Variants in ABHD18 observed in about 807,000 individuals in gnomAD.
The protein encoded by ABHD18 is abhydrolase domain containing 18.
In ABHD18, 55 loss-of-function variants were observed where a neutral mutation model predicts 65.9. That is an observed-to-expected ratio of 0.84 (90% CI 0.67 to 1.05). The LOEUF is 1.05. Among genes scored for constraint, ABHD18 ranks in the 50% least tolerant of loss-of-function variants. The pLI is 0.00. For missense variants in ABHD18, 533 were observed against 558.5 expected, an observed-to-expected ratio of 0.95 and a Z score of 0.46; for synonymous variants, 181 against 180.2, an observed-to-expected ratio of 1.00 and a Z score of -0.04.
intron 4 of ABHD18, among the ~76,000 whole-genome samples, chr4:128,006,809 G>A (rs193296718): frequency 5.9e-5 from 9 of 152,290 alleles, no homozygotes; most frequent in African/African-American, 1.7e-4. Context: ...AAACGGACAC[G>A]TGTGGTGACT....
intron 1 of ABHD18, among the ~76,000 whole-genome samples, chr4:127,975,038 T>G (rs1747650042): frequency 6.7e-6 from 1 of 149,728 alleles, no homozygotes; most frequent in South Asian, 2.1e-4. Flanking sequence ...TACTGCTTAC[T>G]GACAAAGTTG....
At chr4:127,973,965 C>T (rs1457903996) in intron 1 of ABHD18, among the ~76,000 whole-genome samples, 1 of 151,616 alleles carries the variant, frequency 6.6e-6, no homozygotes, top group Non-Finnish European at 1.5e-5. Context: ...GCCCAGCTGA[C>T]ACCTTGATTG....
intron 8 of ABHD18, among the ~76,000 whole-genome samples, chr4:128,018,613 T>G (rs1488296992): frequency 6.6e-6 from 1 of 152,118 alleles, no homozygotes; most frequent in Non-Finnish European, 1.5e-5. Context: ...CACTCCTGAT[T>G]AGGTGACCCA....
intron 10 of ABHD18, among the ~76,000 whole-genome samples, chr4:128,026,033 A>C (rs1417428584): frequency 6.6e-6 from 1 of 152,186 alleles, no homozygotes; most frequent in African/African-American, 2.4e-5. Context: ...TCACGCCTGT[A>C]ATCCCAGCAG....
chr4:127,993,313 C>A (rs924631184), intron 4 of ABHD18, among the ~76,000 whole-genome samples: 1 of 152,168 alleles, frequency 6.6e-6, no homozygotes, highest in Non-Finnish European at 1.5e-5. Context: ...TCCTCAACAT[C>A]TGTTGGAAAT....
chr4:127,982,705 T>C (rs544588388), intron 1 of ABHD18, among the ~76,000 whole-genome samples: 85 of 152,330 alleles, frequency 5.6e-4, no homozygotes, highest in Admixed American at 1.1e-3. Flanking sequence ...GTACTGAGGA[T>C]GGGAAGATCC....
intron 4 of ABHD18, among the ~76,000 whole-genome samples, chr4:128,005,841 C>T (rs1323188572): frequency 2.0e-5 from 3 of 152,166 alleles, no homozygotes; most frequent in African/African-American, 7.2e-5. Context: ...ATCTTCTTCC[C>T]TGTTGCACAG....
chr4:127,968,191 CAG>C (rs1294538198), intron 1 of ABHD18, among the ~76,000 whole-genome samples: 4 of 152,222 alleles, frequency 2.6e-5, no homozygotes, highest in East Asian at 1.9e-4. Context: ...GCCTGGGCGA[CAG>C]AGCGAGACTC....
rs780349825 is a variant in ABHD18, at chr4:128,028,460, C to CT, written c.802-12dup. 1.1e-5 allele frequency: 16 copies of CT among 1,439,078 alleles called. No individual in the cohort carries two copies. The South Asian group carries it at 2.5e-4, about 22-fold the overall frequency. 89.1% of individuals were successfully genotyped at this position (1,439,078 alleles called of 1,614,324 possible). ...TTTATATTAAATAATGTTTTCTTTCCTTTCATATGTTCAGACAGATTCTTT... is the reference window on the plus strand; with the variant it reads ...TTTATATTAAATAATGTTTTCTTTCCTTTTCATATGTTCAGACAGATTCTTT... On this transcript the variant is annotated splice_polypyrimidine_tract_variant and intron_variant, in intron 10 of 12. Coordinates refer to ENST00000645843, the MANE Select transcript of ABHD18 (RefSeq NM_001358451.3).
chr4:128,021,462 G>C (rs1411550936), intron 10 of ABHD18, among the ~76,000 whole-genome samples: 1 of 152,052 alleles, frequency 6.6e-6, no homozygotes, highest in Non-Finnish European at 1.5e-5. Flanking sequence ...TCAGGAGTTT[G>C]AGACTAGCCT....
At chr4:128,008,807 C>T (rs1037698353) in intron 4 of ABHD18, 113 bp from the exon 5 acceptor site, 40 of 674,890 alleles carry the variant, frequency 5.9e-5, no homozygotes, top group Admixed American at 1.4e-4. Flanking sequence ...GTTAAAATTT[C>T]GACTGATCTT....
At chr4:127,989,880 TATC>T (rs1241434682) in intron 4 of ABHD18, 59 bp downstream of exon 4, 6 of 1,038,814 alleles carry the variant, frequency 5.8e-6, no homozygotes, top group East Asian at 5.3e-5. Flanking sequence ...AAAATTATAA[TATC>T]AACACTATGT....
At chr4:128,035,555 G>A (rs1758795935) in intron 12 of ABHD18, among the ~76,000 whole-genome samples, 1 of 152,028 alleles carries the variant, frequency 6.6e-6, no homozygotes, top group South Asian at 2.1e-4. Flanking sequence ...CTGGGCGACA[G>A]AGCGAGACCC....
At chr4:128,017,135 C>G (rs1023108830) in intron 7 of ABHD18, among the ~76,000 whole-genome samples, 2 of 152,144 alleles carry the variant, frequency 1.3e-5, no homozygotes, top group Non-Finnish European at 2.9e-5. Flanking sequence ...CCAGGCTTGT[C>G]TTGAACTCCT....
In ABHD18 at chr4:127,987,453, T is replaced by G. The variant is rs917509696; in HGVS notation, c.178-2268T>G. On this transcript the variant is annotated intron_variant, in intron 3 of 12. Transcript: ENST00000645843. Reference sequence around the variant, plus strand: ...GGTTGAGTGTGGTGGCTCACGCCTGTAATCCCAGCACTTTGGGAGGCTGAG... The same window carrying G: ...GGTTGAGTGTGGTGGCTCACGCCTGGAATCCCAGCACTTTGGGAGGCTGAG... 7.9e-5 allele frequency among the ~76,000 whole-genome samples: 12 copies of G among 152,104 alleles called. No individual in the cohort carries two copies. In the South Asian group the frequency reaches 2.3e-3, roughly 29 times the overall value.
In ABHD18 at chr4:128,028,660, C is replaced by G. The variant is rs767591692; in HGVS notation, c.987C>G (p.Leu329=). 1.2e-6 allele frequency: 2 copies of G among 1,613,878 alleles called. No individual in the cohort carries two copies. Among genetic ancestry groups the G allele is most frequent in the East Asian group, 2.2e-5 (1 of 44,856 alleles). Residue 329 remains leucine (L), a synonymous_variant, in exon 11 of 13, where the codon CTC becomes CTG. Transcript: ENST00000645843. ...CTGTCAGTGCGACATCAGAAGGACTCTTATTGCAAGATACCTCTAAGATGA... is the reference window on the plus strand; with the variant it reads ...CTGTCAGTGCGACATCAGAAGGACTGTTATTGCAAGATACCTCTAAGATGA... ...KTSVSATSEG[L]LLQDTSKMKR...
At chr4:128,034,588 A>T (rs1389452841) in intron 12 of ABHD18, among the ~76,000 whole-genome samples, 1 of 152,070 alleles carries the variant, frequency 6.6e-6, no homozygotes, top group African/African-American at 2.4e-5. Flanking sequence ...TGTCTCTAAA[A>T]AAAAAGAAAA....
intron 1 of ABHD18, among the ~76,000 whole-genome samples, chr4:127,977,681 A>G (rs969682631): frequency 3.9e-5 from 6 of 152,228 alleles, no homozygotes; most frequent in Admixed American, 1.3e-4. Flanking sequence ...TGCATATTGC[A>G]TTACAAACGA....
intron 1 of ABHD18, among the ~76,000 whole-genome samples, chr4:127,970,294 T>C (rs1397674953): frequency 6.6e-6 from 1 of 151,960 alleles, no homozygotes; most frequent in Non-Finnish European, 1.5e-5. Flanking sequence ...TTCATGCTGA[T>C]GTTAAGAAAA....
Sources: allele counts gnomAD v4.1 joint callset (sites outside exome capture counted in the v4.1 genomes callset), GRCh38; gene constraint gnomAD v4.1.1; transcripts MANE v1.5; gene names NCBI Gene and HGNC (gene_info 2026-07-23, HGNC 2026-07-21).